HMOX1: variants seen among roughly 807,000 people sequenced by gnomAD.
The protein encoded by HMOX1 is heme oxygenase 1.
A neutral mutation model predicts 27.8 loss-of-function variants in HMOX1; 22 were observed. That is an observed-to-expected ratio of 0.79 (90% CI 0.57 to 1.13). HMOX1 has a LOEUF of 1.13. Among genes scored for constraint, HMOX1 ranks in the 50% most tolerant of loss-of-function variants. HMOX1 has a pLI of 0.00. For missense variants in HMOX1, 379 were observed against 377.7 expected (o/e 1.00, Z -0.03); for synonymous variants, 153 against 151.6 (o/e 1.01, Z -0.07).
At position 35,393,579 on chromosome 22, in the gene HMOX1, T is replaced by C. The variant is rs746642457; in HGVS notation, c.848T>C (p.Val283Ala). 5 of 1,614,112 alleles carry C rather than the reference T, an allele frequency of 3.1e-6. No homozygotes were observed. The highest frequency in any genetic ancestry group is 4.5e-5 in the East Asian group (2 of 44,898). The stretch of plus-strand genomic sequence containing the variant: ...AGCTTTCTGGTGGCGACAGTTGCTG[T>C]AGGGCTTTATGCCATGTGAATGCAG... The part of the protein sequence containing the change: ...TLSFLVATVA[V>A]GLYAM The change falls in exon 5 of 5, where the codon GTA becomes GCA. Residue 283 changes from valine (V) to alanine (A), a missense_variant. Physicochemically the swap from Val to Ala is moderately conservative, Grantham distance 64. Coordinates refer to ENST00000216117, the MANE Select transcript of HMOX1 (RefSeq NM_002133.3).
chr22:35,389,979 A>T lies in HMOX1; in HGVS notation c.736+16A>T. On this transcript the variant is annotated intron_variant, in intron 4 of 4. Coordinates refer to ENST00000216117, the MANE Select transcript of HMOX1 (RefSeq NM_002133.3). ...AAAGTGCAAGGTGAGAGCATCCAGG[A>T]AGGGGCACTTCCTCTGGGCTACACA... 4 of 1,569,158 alleles carry T rather than the reference A, an allele frequency of 2.5e-6. No individual in the cohort carries two copies. The highest frequency in any genetic ancestry group is 3.5e-6 in the Non-Finnish European group (4 of 1,144,130).
At chr22:35,391,477 C>T (rs1462827622) in intron 4 of HMOX1, among the ~76,000 whole-genome samples, 5 of 150,622 alleles carry the variant, frequency 3.3e-5, no homozygotes, top group Admixed American at 1.3e-4. Flanking sequence ...TTAGTAGAGA[C>T]GGGGTTTCAC....
At chr22:35,383,747 G>C (rs1422644806) in intron 2 of HMOX1, among the ~76,000 whole-genome samples, 1 of 152,194 alleles carries the variant, frequency 6.6e-6, no homozygotes, top group Non-Finnish European at 1.5e-5. Context: ...CAGTGAGACT[G>C]AGGGTGCCTC....
rs376132596 is a variant in HMOX1, at chr22:35,386,862, A to G, written c.322A>G (p.Thr108Ala). 1.3e-5 allele frequency: 21 copies of G among 1,614,162 alleles called. No homozygotes were observed. Among genetic ancestry groups the G allele is most frequent in the Non-Finnish European group, 1.8e-5 (21 of 1,180,042 alleles). Reference sequence around the variant, plus strand: ...CCGCTGGCAGGAGGTCATCCCCTACACACCAGCCATGCAGCGCTATGTGAA... The same window carrying G: ...CCGCTGGCAGGAGGTCATCCCCTACGCACCAGCCATGCAGCGCTATGTGAA... ...GPRWQEVIPY[T>A]PAMQRYVKRL... is the part of the protein sequence containing the mutation. The change falls in exon 3 of 5, where the codon ACA (threonine) becomes GCA (alanine). Residue 108 changes from threonine to alanine, a missense_variant. Transcript: ENST00000216117.
chr22:35,389,429 TATCTTTCTTTC>T (rs1239390330), intron 3 of HMOX1, among the ~76,000 whole-genome samples: 1 of 67,902 alleles, frequency 1.5e-5, no homozygotes, highest in Non-Finnish European at 3.1e-5. Flanking sequence ...TCTTTCTTTC[TATCTTTCTTTC>T]TTTCTTTCTT....
intron 1 of HMOX1, 185 bp downstream of exon 1, chr22:35,381,381 G>C (rs990421051): frequency 1.5e-6 from 1 of 671,062 alleles, no homozygotes; most frequent in Non-Finnish European, 2.5e-6. Context: ...AGGGAGGAAC[G>C]GTAATTTACA....
intron 4 of HMOX1, among the ~76,000 whole-genome samples, chr22:35,392,093 G>A (rs1931737603): frequency 6.6e-6 from 1 of 151,458 alleles, no homozygotes; most frequent in Admixed American, 6.6e-5. Flanking sequence ...GTGTGATGGT[G>A]CACACCTGTA....
intron 4 of HMOX1, chr22:35,390,328 A>G: frequency 6.2e-6 from 2 of 322,546 alleles, no homozygotes; most frequent in Non-Finnish European, 6.1e-6. Flanking sequence ...GGTTCAAGCA[A>G]TTATCCTGCC....
At chr22:35,391,356 C>T (rs9610292) in intron 4 of HMOX1, among the ~76,000 whole-genome samples, 42,274 of 151,108 alleles carry the variant, frequency 0.28, 6,403 homozygotes, top group East Asian at 0.46. Flanking sequence ...GGCATGATCT[C>T]GGCTCACTGC....
chr22:35,388,039 G>A (rs1382401301), intron 3 of HMOX1, among the ~76,000 whole-genome samples: 1 of 152,132 alleles, frequency 6.6e-6, no homozygotes, highest in Non-Finnish European at 1.5e-5. Flanking sequence ...CGAGGTGGGC[G>A]GATTGCTTGA....
At chr22:35,389,286 TCTCTTCTTTC>T (rs1251113847) in intron 3 of HMOX1, among the ~76,000 whole-genome samples, 4 of 111,634 alleles carry the variant, frequency 3.6e-5, no homozygotes, top group African/African-American at 1.8e-4. Context: ...TCTCTCTCTC[TCTCTTCTTTC>T]TTCTTTCTTT....
At chr22:35,390,390 ATT>A in intron 4 of HMOX1, 4 of 262,422 alleles carry the variant, frequency 1.5e-5, no homozygotes, top group South Asian at 3.9e-5. Context: ...TGCCTGGCTA[ATT>A]TTTTTTTTGT....
At chr22:35,383,002 G>T in intron 1 of HMOX1, 104 bp from the exon 2 acceptor site, 1 of 1,486,780 alleles carries the variant, frequency 6.7e-7, no homozygotes, top group Non-Finnish European at 9.3e-7. Flanking sequence ...CCTGAATGAG[G>T]ATGGGAGTCT....
chr22:35,389,814 C>T, intron 3 of HMOX1, 50 bp from the exon 4 acceptor site: 2 of 1,269,222 alleles, frequency 1.6e-6, no homozygotes, highest in African/African-American at 1.5e-5. Context: ...TCAGCTGGGA[C>T]CTGGTAGCAT....
rs138680581 is a variant in HMOX1, at chr22:35,386,763, G to T, written c.223G>T (p.Ala75Ser). Residue 75 changes from alanine to serine, a missense_variant, in exon 3 of 5, where the codon GCC (alanine) becomes TCC (serine). Transcript: ENST00000216117. ...IERNKESPVF[A>S]PVYFPEELHR... is the part of the protein sequence containing the mutation. ...GCGCAACAAGGAGAGCCCAGTCTTC[G>T]CCCCTGTCTACTTCCCAGAAGAGCT... 3.7e-6 allele frequency: 6 copies of T among 1,614,206 alleles called. No homozygotes were observed. The East Asian group carries it at 1.1e-4, about 30-fold the overall frequency.
intron 4 of HMOX1, among the ~76,000 whole-genome samples, chr22:35,391,244 G>C (rs1244395045): frequency 7.1e-6 from 1 of 141,724 alleles, no homozygotes; most frequent in African/African-American, 2.5e-5. Flanking sequence ...CCCCTCAACG[G>C]GGTCTGTGAG....
intron 4 of HMOX1, among the ~76,000 whole-genome samples, chr22:35,391,555 G>A (rs1023712121): frequency 7.2e-6 from 1 of 138,504 alleles, no homozygotes; most frequent in African/African-American, 2.7e-5. Context: ...CCAAAGTGCT[G>A]TAATTACAGG....
At chr22:35,381,285 G>A (rs1342773607) in intron 1 of HMOX1, 89 bp downstream of exon 1, 4 of 1,447,524 alleles carry the variant, frequency 2.8e-6, no homozygotes, top group African/African-American at 2.8e-5. Flanking sequence ...CTGCCACACA[G>A]CGACAGAGCC....
At position 35,383,100 on chromosome 22, in the gene HMOX1, C is replaced by T. The variant is rs1232836933; in HGVS notation, c.24-6C>T. On this transcript the variant is annotated splice_region_variant and splice_polypyrimidine_tract_variant and intron_variant, in intron 1 of 4. Coordinates refer to ENST00000216117, the MANE Select transcript of HMOX1 (RefSeq NM_002133.3). ...TTTGTGTTCACCTTTCCCATTTCCT[C>T]CTCAGCATGCCCCAGGATTTGTCAG... 2 of 1,613,364 alleles carry T rather than the reference C, an allele frequency of 1.2e-6. No individual in the cohort carries two copies. The highest frequency in any genetic ancestry group is 1.3e-5 in the African/African-American group (1 of 75,048).
Sources: allele counts gnomAD v4.1 joint callset (sites outside exome capture counted in the v4.1 genomes callset), GRCh38; gene constraint gnomAD v4.1.1; transcripts MANE v1.5; gene names NCBI Gene and HGNC (gene_info 2026-07-23, HGNC 2026-07-21).